PDE3A: variants seen among roughly 807,000 people sequenced by gnomAD.
PDE3A encodes the protein cGMP-inhibited 3',5'-cyclic phosphodiesterase 3A.
PDE3A carries 43 observed loss-of-function variants against 98.3 expected under a neutral mutation model. The observed-to-expected ratio is 0.44, with a 90% CI of 0.34 to 0.56. PDE3A has a LOEUF of 0.56. Ranked by LOEUF, PDE3A falls within the 20% of genes least tolerant of loss-of-function variation. PDE3A has a pLI of 0.01. For missense variants in PDE3A, 1,427 were observed against 1,440.7 expected (o/e 0.99, Z 0.15); for synonymous variants, 663 against 567.9 (o/e 1.17, Z -2.38).
chr12:20,530,934 T>C (rs1464286524), intron 1 of PDE3A, among the ~76,000 whole-genome samples: 1 of 152,190 alleles, frequency 6.6e-6, no homozygotes, highest in Non-Finnish European at 1.5e-5. Flanking sequence ...AATGAAAAGA[T>C]ATTTTTTGTT....
intron 1 of PDE3A, among the ~76,000 whole-genome samples, chr12:20,398,824 C>T (rs1944068539): frequency 6.6e-6 from 1 of 152,122 alleles, no homozygotes; most frequent in Non-Finnish European, 1.5e-5. Flanking sequence ...GTAACATATA[C>T]ATAAAATTTA....
intron 9 of PDE3A, among the ~76,000 whole-genome samples, chr12:20,638,348 A>G (rs1052401106): frequency 2.6e-5 from 4 of 152,170 alleles, no homozygotes; most frequent in Non-Finnish European, 5.9e-5. Flanking sequence ...TATTGATGGA[A>G]TATAAGACAC....
intron 9 of PDE3A, among the ~76,000 whole-genome samples, chr12:20,638,089 C>A (rs1343949970): frequency 6.6e-6 from 1 of 152,022 alleles, no homozygotes; most frequent in Non-Finnish European, 1.5e-5. Flanking sequence ...AAGACCCAAC[C>A]CAGATCTACT....
intron 15 of PDE3A, among the ~76,000 whole-genome samples, chr12:20,658,383 T>TA (rs528574399): frequency 2.7e-5 from 4 of 150,646 alleles, no homozygotes; most frequent in Admixed American, 6.6e-5. Flanking sequence ...CCAGGTCCTT[T>TA]AAAAAAAAAA....
chr12:20,482,901 G>T (rs900245720), intron 1 of PDE3A, among the ~76,000 whole-genome samples: 20 of 152,142 alleles, frequency 1.3e-4, no homozygotes, highest in Admixed American at 1.2e-3. Flanking sequence ...TCATGTTTCT[G>T]TGGAAAGATT....
intron 1 of PDE3A, among the ~76,000 whole-genome samples, chr12:20,409,717 A>G (rs1460236537): frequency 1.3e-5 from 2 of 152,184 alleles, no homozygotes; most frequent in Non-Finnish European, 2.9e-5. Flanking sequence ...AATACATTAT[A>G]TGAAAGAGAG....
At chr12:20,400,613 T>C (rs1439183936) in intron 1 of PDE3A, among the ~76,000 whole-genome samples, 2 of 151,910 alleles carry the variant, frequency 1.3e-5, no homozygotes, top group African/African-American at 4.8e-5. Context: ...GGAGACGAGG[T>C]TTCACTGTGT....
intron 1 of PDE3A, among the ~76,000 whole-genome samples, chr12:20,412,950 A>AT (rs1236866788): frequency 1.3e-5 from 2 of 152,350 alleles, no homozygotes; most frequent in East Asian, 3.9e-4. Flanking sequence ...ATATTAGCTC[A>AT]TACCACATAT....
chr12:20,672,008 G>T (rs1312812955), intron 15 of PDE3A, among the ~76,000 whole-genome samples: 1 of 150,408 alleles, frequency 6.6e-6, no homozygotes, highest in African/African-American at 2.4e-5. Flanking sequence ...AAAGTCTCAG[G>T]ATACAAAATC....
At chr12:20,566,729 C>CCATCT (rs1942667987) in intron 2 of PDE3A, among the ~76,000 whole-genome samples, 1 of 151,788 alleles carries the variant, frequency 6.6e-6, no homozygotes, top group Non-Finnish European at 1.5e-5. Context: ...ATAGAAAAGA[C>CCATCT]CATCTCATGA....
In PDE3A at chr12:20,649,651, C is replaced by T. The variant is rs563146070; in HGVS notation, c.2769+760C>T. Reference sequence around the variant, plus strand: ...AATAGTAATTGATAATAAGGCCAAGCACAATGGCTCACGCCTATAATCTCA... The same window carrying T: ...AATAGTAATTGATAATAAGGCCAAGTACAATGGCTCACGCCTATAATCTCA... On this transcript the variant is annotated intron_variant, in intron 13 of 15. Coordinates refer to ENST00000359062, the MANE Select transcript of PDE3A (RefSeq NM_000921.5). Among the ~76,000 whole-genome samples the T allele has an allele frequency of 3.9e-5, 6 of 152,248 alleles. No individual in the cohort carries two copies. In the East Asian group the frequency reaches 9.7e-4, roughly 25 times the overall value.
At chr12:20,456,506 A>G (rs1945153478) in intron 1 of PDE3A, among the ~76,000 whole-genome samples, 1 of 152,166 alleles carries the variant, frequency 6.6e-6, no homozygotes, top group Admixed American at 6.6e-5. Context: ...ACCAAACCCT[A>G]TGTAAACTAA....
chr12:20,440,758 G>T, intron 1 of PDE3A, among the ~76,000 whole-genome samples: 1 of 152,258 alleles, frequency 6.6e-6, no homozygotes, highest in African/African-American at 2.4e-5. Context: ...GGGATGAAGA[G>T]TGTGATCTAA....
intron 1 of PDE3A, among the ~76,000 whole-genome samples, chr12:20,537,054 TA>T (rs1941767573): frequency 6.6e-6 from 1 of 152,030 alleles, no homozygotes; most frequent in Non-Finnish European, 1.5e-5. Context: ...CAACACTTGT[TA>T]TTTTCTATGT....
At chr12:20,413,645 G>A (rs768828972) in intron 1 of PDE3A, among the ~76,000 whole-genome samples, 1 of 152,168 alleles carries the variant, frequency 6.6e-6, no homozygotes, top group Non-Finnish European at 1.5e-5. Context: ...GATGAGACAG[G>A]TGGGGGCCAA....
intron 2 of PDE3A, among the ~76,000 whole-genome samples, chr12:20,610,204 G>C (rs1943814234): frequency 2.0e-5 from 3 of 151,776 alleles, no homozygotes; most frequent in Non-Finnish European, 4.4e-5. Flanking sequence ...CACAATAGGG[G>C]AAAAATAACC....
intron 2 of PDE3A, among the ~76,000 whole-genome samples, chr12:20,573,509 CTG>C (rs142156547): frequency 0.025 from 3,759 of 152,140 alleles, 86 homozygotes; most frequent in African/African-American, 0.056. Flanking sequence ...AGAGGTAAGA[CTG>C]TGTTCAAATG....
chr12:20,608,657 A>ACAT, intron 2 of PDE3A, among the ~76,000 whole-genome samples: 1 of 152,164 alleles, frequency 6.6e-6, no homozygotes, highest in South Asian at 2.1e-4. Context: ...TACAAGAAAT[A>ACAT]CATCTATTAC....
Position 20,516,367 on chromosome 12 carries a change from A to G in PDE3A, c.961-40293A>G, listed in dbSNP as rs113027966. Among the ~76,000 whole-genome samples, 603 of 152,330 alleles carry G rather than the reference A, an allele frequency of 4.0e-3. 8 individuals carry two copies. Among genetic ancestry groups the G allele is most frequent in the African/African-American group, 0.014 (574 of 41,570 alleles). The stretch of plus-strand genomic sequence containing the variant: ...TGGCACTTAAAATAAGTGGACATGT[A>G]AAAGAAAAATAGATTTGCTTGATTT... On this transcript the variant is annotated intron_variant, in intron 1 of 15. Coordinates refer to ENST00000359062, the MANE Select transcript of PDE3A (RefSeq NM_000921.5).
Sources: allele counts gnomAD v4.1 joint callset (sites outside exome capture counted in the v4.1 genomes callset), GRCh38; gene constraint gnomAD v4.1.1; transcripts MANE v1.5; gene names NCBI Gene and HGNC (gene_info 2026-07-23, HGNC 2026-07-21).